Variants in PPFIBP2 observed in about 807,000 individuals in gnomAD.
The protein encoded by PPFIBP2 is PPFIB scaffold protein 2.
A neutral mutation model predicts 118.3 loss-of-function variants in PPFIBP2; 118 were observed. That is an observed-to-expected ratio of 1.00 (90% CI 0.86 to 1.16). The LOEUF is 1.16. Among genes scored for constraint, PPFIBP2 ranks in the 50% most tolerant of loss-of-function variants. PPFIBP2 has a pLI of 0.00. For missense variants in PPFIBP2, 1,195 were observed against 1,073.1 expected (o/e 1.11, Z -1.59); for synonymous variants, 414 against 397.4 (o/e 1.04, Z -0.50).
intron 7 of PPFIBP2, among the ~76,000 whole-genome samples, chr11:7,625,266 G>C (rs533383855): frequency 4.7e-4 from 71 of 152,242 alleles, no homozygotes; most frequent in African/African-American, 1.6e-3. Flanking sequence ...GTGGAGGGAG[G>C]GAGCCCTTGG....
chr11:7,621,057 G>C, intron 7 of PPFIBP2, 30 bp downstream of exon 7: 8 of 1,517,516 alleles, frequency 5.3e-6, no homozygotes, highest in Non-Finnish European at 7.3e-6. Context: ...CTTATGGAGA[G>C]AGTATGAGGG....
chr11:7,649,203 GT>G lies in PPFIBP2; in HGVS notation c.1968del (p.Asp657ThrfsTer8). On this transcript the variant is annotated frameshift_variant, in exon 20 of 24. Coordinates refer to ENST00000299492, the MANE Select transcript of PPFIBP2 (RefSeq NM_003621.5). LOFTEE classifies it high-confidence loss of function. ...QYKDQFHESR[V>X]DRRMLQYLTV... The stretch of plus-strand genomic sequence containing the variant: ...CAAAGACCAGTTTCATGAATCTAGA[GT>G]TGACAGACGAATGCTGCAATACCTA... 1 of 1,614,086 alleles carries G rather than the reference GT, an allele frequency of 6.2e-7. No individual in the cohort carries two copies.
intron 5 of PPFIBP2, among the ~76,000 whole-genome samples, chr11:7,599,353 T>C (rs1023001668): frequency 1.1e-4 from 16 of 152,204 alleles, no homozygotes; most frequent in African/African-American, 3.9e-4. Flanking sequence ...AGAAGGTTGA[T>C]GTTTCAGGAA....
rs1405508632 is a variant in PPFIBP2 at position 7,648,490 on chromosome 11, T to G, written c.1750T>G (p.Ser584Ala). ...TGTGATCTTTGCCAGGCAGTGGGTA[T>G]CTTCTGGCCACACCTTATTGACAGC... ...QYVIFARQWVSSGHTLLTATP... is the reference protein window; with the variant it reads ...QYVIFARQWVASGHTLLTATP... The change falls in exon 18 of 24, where the codon TCT becomes GCT. Residue 584 changes from serine (S) to alanine (A), a missense_variant. Physicochemically the swap from Ser to Ala is moderately conservative, Grantham distance 99 (BLOSUM62 1). Coordinates refer to ENST00000299492, the MANE Select transcript of PPFIBP2 (RefSeq NM_003621.5). 1.2e-6 allele frequency: 2 copies of G among 1,613,974 alleles called. No homozygotes were observed. The highest frequency in any genetic ancestry group is 1.7e-5 in the Admixed American group (1 of 59,992).
At chr11:7,650,636 G>T (rs988553277) in intron 21 of PPFIBP2, 1 of 403,890 alleles carries the variant, frequency 2.5e-6, no homozygotes, top group Non-Finnish European at 4.4e-6. Context: ...CAGTGTGGAA[G>T]ATCTTCAAAG....
Position 7,529,560 on chromosome 11 carries a change from G to A in PPFIBP2, c.-37+15439G>A, listed in dbSNP as rs77668975. ...GTTATTATGGGCTCTCTTGATGCCA[G>A]TGCATGGAGCCAGGGACTGCTGCAC... On this transcript the variant is annotated intron_variant, in intron 1 of 23. Transcript: ENST00000299492. 4.1e-3 allele frequency among the ~76,000 whole-genome samples: 620 copies of A among 152,304 alleles called. 3 individuals carry two copies. Among genetic ancestry groups the A allele is most frequent in the African/African-American group, 0.014 (588 of 41,556 alleles).
Position 7,565,431 on chromosome 11 carries a change from C to T in PPFIBP2, c.65-122C>T, listed in dbSNP as rs2074348349. 1.1e-5 allele frequency: 11 copies of T among 1,008,660 alleles called. No homozygotes were observed. The South Asian group carries it at 1.5e-4, about 13-fold the overall frequency. 62.5% of individuals were successfully genotyped at this position (1,008,660 alleles called of 1,614,324 possible). A position where few individuals can be genotyped will look rare whatever the true frequency, so the allele number is the denominator to read the frequency against. On this transcript the variant is annotated intron_variant, in intron 2 of 23. Coordinates refer to ENST00000299492, the MANE Select transcript of PPFIBP2 (RefSeq NM_003621.5). ...GACTACAGGCGTGCACCGCCATGCC[C>T]AGCTCACCCCCAGCTTCTTATCTGT...
chr11:7,614,991 A>G (rs1590607267), intron 6 of PPFIBP2, among the ~76,000 whole-genome samples: 1 of 152,170 alleles, frequency 6.6e-6, no homozygotes, highest in African/African-American at 2.4e-5. Flanking sequence ...GGTCTGCTTT[A>G]TGGGAGGGAA....
At chr11:7,591,664 G>A (rs747540948) in intron 3 of PPFIBP2, among the ~76,000 whole-genome samples, 1 of 152,132 alleles carries the variant, frequency 6.6e-6, no homozygotes, top group Non-Finnish European at 1.5e-5. Context: ...CAAGACATAG[G>A]CTCCAGAGGG....
At chr11:7,622,497 C>G (rs981729015) in intron 7 of PPFIBP2, among the ~76,000 whole-genome samples, 1 of 152,140 alleles carries the variant, frequency 6.6e-6, no homozygotes, top group Non-Finnish European at 1.5e-5. Context: ...CATGCTGTTA[C>G]TTAAAATTTT....
Position 7,653,479 on chromosome 11 carries a change from T to A in PPFIBP2, c.*261T>A, listed in dbSNP as rs1854371571. 1 of 1,451,928 alleles carries A rather than the reference T, an allele frequency of 6.9e-7. No individual in the cohort carries two copies. The highest frequency in any genetic ancestry group is 9.1e-7 in the Non-Finnish European group (1 of 1,094,050). 89.9% of individuals were successfully genotyped at this position (1,451,928 alleles called of 1,614,324 possible). On this transcript the variant is annotated 3_prime_UTR_variant, in exon 24 of 24. Transcript: ENST00000299492. The stretch of plus-strand genomic sequence containing the variant: ...CTTAAAGACACTTTTACATGTCTAG[T>A]AATTCTTGATGTTCATCTTCAGCAC...
downstream of PPFIBP2, among the ~76,000 whole-genome samples, chr11:7,659,528 C>A (rs1418475475): frequency 6.7e-6 from 1 of 149,628 alleles, no homozygotes; most frequent in Non-Finnish European, 1.5e-5. Flanking sequence ...GGTACCAGTA[C>A]CATGCTGTTT....
At chr11:7,537,346 C>G (rs74683603) in intron 1 of PPFIBP2, among the ~76,000 whole-genome samples, 1 of 152,104 alleles carries the variant, frequency 6.6e-6, no homozygotes, top group Non-Finnish European at 1.5e-5. Flanking sequence ...TTTTCCCCCC[C>G]ACAGAGGCAG....
At chr11:7,587,630 C>G (rs1017083176) in intron 3 of PPFIBP2, among the ~76,000 whole-genome samples, 1 of 152,226 alleles carries the variant, frequency 6.6e-6, no homozygotes, top group Non-Finnish European at 1.5e-5. Flanking sequence ...GTTTGCTTTT[C>G]TGTGCACACT....
chr11:7,553,226 A>AT (rs1451652933), intron 2 of PPFIBP2, among the ~76,000 whole-genome samples: 179 of 137,274 alleles, frequency 1.3e-3, no homozygotes, highest in African/African-American at 5.1e-3. Flanking sequence ...ACAAATTATT[A>AT]TTATTTTTTT....
the PPFIBP2 span, chr11:7,665,401 A>G: frequency 1.3e-5 from 21 of 1,599,822 alleles, no homozygotes; most frequent in East Asian, 2.2e-5. Context: ...TGTCCTGGGT[A>G]TAACCCAGCT....
intron 3 of PPFIBP2, among the ~76,000 whole-genome samples, chr11:7,573,194 A>T (rs972637485): frequency 2.6e-5 from 4 of 152,176 alleles, no homozygotes; most frequent in African/African-American, 9.7e-5. Flanking sequence ...AGCAGGCCCC[A>T]TACCCAATCT....
chr11:7,642,950 A>C (rs1275841739), intron 17 of PPFIBP2, among the ~76,000 whole-genome samples: 1 of 152,328 alleles, frequency 6.6e-6, no homozygotes, highest in Non-Finnish European at 1.5e-5. Flanking sequence ...ACAGGTTTCT[A>C]GTCTTACCAG....
chr11:7,524,104 GTGTGTGTGTC>G (rs1487068407), intron 1 of PPFIBP2, among the ~76,000 whole-genome samples: 12 of 151,888 alleles, frequency 7.9e-5, no homozygotes, highest in East Asian at 3.9e-4. Flanking sequence ...TGACAACTCT[GTGTGTGTGTC>G]TGTGTGTGTC....
Sources: allele counts gnomAD v4.1 joint callset (sites outside exome capture counted in the v4.1 genomes callset), GRCh38; gene constraint gnomAD v4.1.1; transcripts MANE v1.5; gene names NCBI Gene and HGNC (gene_info 2026-07-23, HGNC 2026-07-21).